The following FBXO41 variants were observed in gnomAD, a reference collection of about 807,000 sequenced individuals.
FBXO41 encodes F-box only protein 41.
A neutral mutation model predicts 81.6 loss-of-function variants in FBXO41; 33 were observed. That is an observed-to-expected ratio of 0.40 (90% CI 0.31 to 0.54). FBXO41 has a LOEUF of 0.54. FBXO41 is among the 20% of genes least tolerant of loss of function. The pLI is 0.39. For missense variants in FBXO41, 1,107 were observed against 1,236.0 expected (o/e 0.90, Z 1.56); for synonymous variants, 576 against 552.7 (o/e 1.04, Z -0.59).
rs1687857438 is a variant in FBXO41 at position 73,257,474 on chromosome 2, G to C, written c.*1508C>G. The C allele has an allele frequency of 6.6e-6, 1 of 152,264 alleles. No homozygotes were observed. The highest frequency in any genetic ancestry group is 6.5e-5 in the Admixed American group (1 of 15,280). The allele number at this position is 152,264 out of a possible 1,614,324, so 9.4% of individuals were successfully genotyped here. ...AAGCCAGGTTGTGTTAGGAAGTTGG[G>C]TCCCTGGGAAGGACTGGGTAACGAG... On this transcript the variant is annotated 3_prime_UTR_variant, in exon 13 of 13. Coordinates refer to ENST00000520530, the MANE Select transcript of FBXO41 (RefSeq NM_001371389.2). This position sits in a 1 kb window ranked among gnomAD's most constrained non-coding sequence, Gnocchi z 4.6.
intron 2 of FBXO41, among the ~76,000 whole-genome samples, chr2:73,268,209 C>T (rs909599675): frequency 6.6e-6 from 1 of 151,996 alleles, no homozygotes; most frequent in Non-Finnish European, 1.5e-5. Flanking sequence ...GGTGGAAACC[C>T]GATCAGCCTG....
At position 73,265,215 on chromosome 2, in the gene FBXO41, G is replaced by T. The variant is rs530298598; in HGVS notation, c.1564+67C>A. The T allele has an allele frequency of 8.3e-5, 117 of 1,415,688 alleles. No homozygotes were observed. In the African/African-American group the frequency reaches 1.5e-3, roughly 18 times the overall value. The allele number at this position is 1,415,688 out of a possible 1,614,324, so 87.7% of individuals were successfully genotyped here. A position where few individuals can be genotyped will look rare whatever the true frequency, so the allele number is the denominator to read the frequency against. ...GGCAAGTCTGGGGAAAGGGGAGGGGGGTGCAGGAGCCCAGGAGATTCACTG... is the reference window on the plus strand; with the variant it reads ...GGCAAGTCTGGGGAAAGGGGAGGGGTGTGCAGGAGCCCAGGAGATTCACTG... On this transcript the variant is annotated intron_variant, in intron 5 of 12. Coordinates refer to ENST00000520530, the MANE Select transcript of FBXO41 (RefSeq NM_001371389.2).
rs1350139942 is a variant in FBXO41, at chr2:73,269,693, G to T, written c.-63C>A. The T allele has an allele frequency of 1.8e-5, 20 of 1,101,108 alleles. No homozygotes were observed. The highest frequency in any genetic ancestry group is 2.1e-5 in the Non-Finnish European group (19 of 901,128). The allele number at this position is 1,101,108 out of a possible 1,614,324, so 68.2% of individuals were successfully genotyped here. On this transcript the variant is annotated 5_prime_UTR_variant, in exon 2 of 13. Coordinates refer to ENST00000520530, the MANE Select transcript of FBXO41 (RefSeq NM_001371389.2). The surrounding 1 kb of genome is among the most constrained non-coding windows in gnomAD (Gnocchi z 7.0). ...GCCGCCCCGCCGGTCAGCCGGGCGC[G>T]CTCATGGGGGACCGCGGGCGAGGCC...
In FBXO41 at chr2:73,265,415, G is replaced by A. The variant is rs1356100029; in HGVS notation, c.1431C>T (p.His477=). 1.9e-6 allele frequency: 3 copies of A among 1,609,936 alleles called. 1 individual carries two copies. In the South Asian group the frequency reaches 3.3e-5, roughly 18 times the overall value. The change falls in exon 5 of 13, where the codon CAC becomes CAT. Residue 477 remains histidine, a synonymous_variant. Coordinates refer to ENST00000520530, the MANE Select transcript of FBXO41 (RefSeq NM_001371389.2). ...CATCACCCTCTTCCCCCTCAGTGCT[G>A]TGTCGGCGGGGTCTGCGCTGCCAGT... ...IQNWQRRPRR[H]STEGEEGDVS...
chr2:73,282,761 C>G (rs1311894122), intron 1 of FBXO41, among the ~76,000 whole-genome samples: 18 of 149,466 alleles, frequency 1.2e-4, no homozygotes, highest in Admixed American at 1.2e-3. Flanking sequence ...ATTCCTAAAT[C>G]TAGAAACAAC....
At chr2:73,276,580 G>GAGAA (rs1249530474) in intron 1 of FBXO41, among the ~76,000 whole-genome samples, 1 of 127,386 alleles carries the variant, frequency 7.9e-6, no homozygotes, top group Non-Finnish European at 1.6e-5. Flanking sequence ...GAGAGAGAGA[G>GAGAA]AGAGAGAGAG....
rs568211739 is a variant in FBXO41, at chr2:73,255,029, T to G, written c.*3953A>C. 2.0e-5 allele frequency: 3 copies of G among 152,758 alleles called. No homozygotes were observed. The highest frequency in any genetic ancestry group is 7.2e-5 in the African/African-American group (3 of 41,478). 9.5% of individuals were successfully genotyped at this position (152,758 alleles called of 1,614,324 possible). A position where few individuals can be genotyped will look rare whatever the true frequency, so the allele number is the denominator to read the frequency against. On this transcript the variant is annotated 3_prime_UTR_variant, in exon 13 of 13. Transcript: ENST00000520530. Reference sequence around the variant, plus strand: ...GAAGGTAGGGCCTAAGGGCCAGTTATGGAGGTTGCCCACCAGTGGTGCCCA... The same window carrying G: ...GAAGGTAGGGCCTAAGGGCCAGTTAGGGAGGTTGCCCACCAGTGGTGCCCA...
intron 1 of FBXO41, among the ~76,000 whole-genome samples, chr2:73,281,702 G>C (rs1332366949): frequency 2.0e-5 from 3 of 152,240 alleles, no homozygotes; most frequent in African/African-American, 7.2e-5. Context: ...ACATAATGCA[G>C]CTGTGTGAGA....
chr2:73,264,212 C>G, intron 6 of FBXO41, 66 bp downstream of exon 6: 1 of 1,606,222 alleles, frequency 6.2e-7, no homozygotes, highest in South Asian at 1.1e-5. Context: ...CCTCAAGGGG[C>G]CAGATTCTAC....
intron 5 of FBXO41, among the ~76,000 whole-genome samples, chr2:73,264,760 C>A (rs1400686874): frequency 6.6e-6 from 1 of 152,132 alleles, no homozygotes; most frequent in Non-Finnish European, 1.5e-5. Flanking sequence ...ATATATCATT[C>A]AAACTCACCC....
rs767175125 is a variant in FBXO41, at chr2:73,268,914, G to A, written c.717C>T (p.Ala239=). The change falls in exon 2 of 13, where the codon GCC becomes GCT. Residue 239 remains alanine, a synonymous_variant. Coordinates refer to ENST00000520530, the MANE Select transcript of FBXO41 (RefSeq NM_001371389.2). The stretch of plus-strand genomic sequence containing the variant: ...GTTCGGCCGCCTTGCGCTCCAGCTC[G>A]GCCTGCAGCCGGCCCACCTGGCCCG... ...KIAGQVGRLQ[A]ELERKAAELE... 2 of 1,543,930 alleles carry A rather than the reference G, an allele frequency of 1.3e-6. No homozygotes were observed.
At chr2:73,283,766 C>CA (rs1299276946) in intron 1 of FBXO41, among the ~76,000 whole-genome samples, 1 of 152,184 alleles carries the variant, frequency 6.6e-6, no homozygotes, top group Non-Finnish European at 1.5e-5. Flanking sequence ...CAGGCCTCAA[C>CA]ACCAGGCCCC....
chr2:73,255,610 C>T lies in FBXO41; in HGVS notation c.*3372G>A, dbSNP rs937217262. On this transcript the variant is annotated 3_prime_UTR_variant, in exon 13 of 13. Transcript: ENST00000520530. ...CCATCTCCTGTTTTTACCCCAAGTCCAACAGGAACTGGGACTTTGGCACCA... is the reference window on the plus strand; with the variant it reads ...CCATCTCCTGTTTTTACCCCAAGTCTAACAGGAACTGGGACTTTGGCACCA... 10 of 152,722 alleles carry T rather than the reference C, an allele frequency of 6.5e-5. No homozygotes were observed. The East Asian group carries it at 1.9e-3, about 29-fold the overall frequency. The allele number at this position is 152,722 out of a possible 1,614,324, so 9.5% of individuals were successfully genotyped here.
intron 1 of FBXO41, among the ~76,000 whole-genome samples, chr2:73,270,150 T>C (rs928480125): frequency 5.3e-5 from 8 of 152,160 alleles, no homozygotes; most frequent in Non-Finnish European, 1.2e-4. Flanking sequence ...AATATTATGT[T>C]GCATGAAAGA....
intron 1 of FBXO41, chr2:73,271,120 C>G (rs1005397472): frequency 1.4e-5 from 5 of 362,088 alleles, no homozygotes; most frequent in Non-Finnish European, 2.2e-5. Flanking sequence ...CAGCTTCCCT[C>G]ACACAGGTTT....
rs777475319 is a variant in FBXO41, at chr2:73,259,292, G to T, written c.2454C>A (p.Ile818=). The T allele has an allele frequency of 3.7e-6, 6 of 1,614,020 alleles. No homozygotes were observed. Among genetic ancestry groups the T allele is most frequent in the Non-Finnish European group, 5.1e-6 (6 of 1,179,860 alleles). The part of the protein sequence containing the change: ...TPKALLHFNS[I]CRNLKSIVVQ... ...CCACAATGGACTTGAGGTTCCGGCA[G>T]ATGCCTGAGAAAAGGTGAGCAAAGT... is the stretch of plus-strand genomic sequence containing the variant. The change falls in exon 12 of 13, where the codon ATC becomes ATA. Residue 818 remains isoleucine (I), a synonymous_variant. Coordinates refer to ENST00000520530, the MANE Select transcript of FBXO41 (RefSeq NM_001371389.2). This position sits in a 1 kb window ranked among gnomAD's most constrained non-coding sequence, Gnocchi z 4.2.
Position 73,268,714 on chromosome 2 carries a change from G to A in FBXO41, c.905+12C>T, listed in dbSNP as rs1688369031. On this transcript the variant is annotated intron_variant, in intron 2 of 12. Coordinates refer to ENST00000520530, the MANE Select transcript of FBXO41 (RefSeq NM_001371389.2). ...GGCACAACCACTCACAGGGCCCCGAGGGTCTACTCACTGCTGCTTGCGGCT... is the reference window on the plus strand; with the variant it reads ...GGCACAACCACTCACAGGGCCCCGAAGGTCTACTCACTGCTGCTTGCGGCT... 1 of 1,514,130 alleles carries A rather than the reference G, an allele frequency of 6.6e-7. No homozygotes were observed. Among genetic ancestry groups the A allele is most frequent in the African/African-American group, 1.4e-5 (1 of 72,456 alleles). The allele number at this position is 1,514,130 out of a possible 1,614,324, so 93.8% of individuals were successfully genotyped here.
intron 8 of FBXO41, 82 bp downstream of exon 8, chr2:73,263,596 G>A (rs1397199986): frequency 6.5e-7 from 1 of 1,547,902 alleles, no homozygotes; most frequent in Non-Finnish European, 8.8e-7. Context: ...GAGAACCCTG[G>A]GGGAGGCTAT....
chr2:73,264,382 T>C lies in FBXO41; in HGVS notation c.1702A>G (p.Thr568Ala). ...FCIFTYLDTR[T>A]LLHAAEVCRD... is the part of the protein sequence containing the mutation. ...CAGACCTCGGCAGCATGCAGCAGTG[T>C]GCGCGTGTCCAGGTAGGTGAAGATG... Residue 568 changes from threonine (T) to alanine (A), a missense_variant, in exon 6 of 13, where the codon ACA (threonine) becomes GCA (alanine). Thr to Ala is a moderately conservative substitution (Grantham distance 58). Around this residue, in one of 2 missense-constraint regions of FBXO41, gnomAD observed 336 missense variants for 446.7 expected, o/e 0.75. Coordinates refer to ENST00000520530, the MANE Select transcript of FBXO41 (RefSeq NM_001371389.2). 6.2e-7 allele frequency: 1 copy of C among 1,613,828 alleles called. No individual in the cohort carries two copies. Among genetic ancestry groups the C allele is most frequent in the East Asian group, 2.2e-5 (1 of 44,878 alleles).
Sources: allele counts gnomAD v4.1 joint callset (sites outside exome capture counted in the v4.1 genomes callset), GRCh38; gene constraint gnomAD v4.1.1; regional missense constraint gnomAD v4.1.1; non-coding constraint Gnocchi (gnomAD v3.1); transcripts MANE v1.5; gene names NCBI Gene and HGNC (gene_info 2026-07-23, HGNC 2026-07-21).